The following CCDC90B variants were observed in gnomAD, a reference collection of about 807,000 sequenced individuals.
The protein encoded by CCDC90B is coiled-coil domain-containing protein 90B, mitochondrial.
In CCDC90B, 24 loss-of-function variants were observed where a neutral mutation model predicts 37.0. That is an observed-to-expected ratio of 0.65 (90% confidence interval 0.47 to 0.91). CCDC90B has a LOEUF of 0.91. CCDC90B is among the 40% of genes least tolerant of loss of function. The pLI is 0.00. For synonymous variants in CCDC90B, 113 were observed against 101.1 expected, an observed-to-expected ratio of 1.12 and a Z score of -0.71; for missense variants, 319 against 299.0, an observed-to-expected ratio of 1.07 and a Z score of -0.49.
At chr11:83,272,703 A>G (rs529482810) in intron 7 of CCDC90B, among the ~76,000 whole-genome samples, 2 of 152,214 alleles carry the variant, frequency 1.3e-5, no homozygotes, top group Admixed American at 6.5e-5. Context: ...AGGGAAGAGA[A>G]TAAGATCTTT....
In CCDC90B at chr11:83,265,840, C is replaced by T. The variant is rs532449406; in HGVS notation, c.709+25G>A. 5.0e-6 allele frequency: 7 copies of T among 1,410,276 alleles called. No homozygotes were observed. The South Asian group carries it at 8.2e-5, about 17-fold the overall frequency. The allele number at this position is 1,410,276 out of a possible 1,614,324, so 87.4% of individuals were successfully genotyped here. A position where few individuals can be genotyped will look rare whatever the true frequency, so the allele number is the denominator to read the frequency against. On this transcript the variant is annotated intron_variant, in intron 8 of 8. Transcript: ENST00000529689. ...AACTAACAGGAAAATTAGATGACAGCAATTTCTTTCTCTGACAGTCTTACC... is the reference window on the plus strand; with the variant it reads ...AACTAACAGGAAAATTAGATGACAGTAATTTCTTTCTCTGACAGTCTTACC...
chr11:83,264,497 C>A (rs1046167345), intron 8 of CCDC90B, among the ~76,000 whole-genome samples: 1 of 152,050 alleles, frequency 6.6e-6, no homozygotes, highest in Non-Finnish European at 1.5e-5. Flanking sequence ...AAATTCTTTT[C>A]TTTAAGAATG....
In CCDC90B at chr11:83,280,252, T is replaced by G; in HGVS notation, c.109A>C (p.Thr37Pro). 1 of 1,612,306 alleles carries G rather than the reference T, an allele frequency of 6.2e-7. No homozygotes were observed. Among genetic ancestry groups the G allele is most frequent in the Non-Finnish European group, 8.5e-7 (1 of 1,179,296 alleles). Reference sequence around the variant, plus strand: ...TCATATCCCTCCTTGGTTGTGGTAGTGAAGAACTCTGAAAGAGAAGACAAT... The same window carrying G: ...TCATATCCCTCCTTGGTTGTGGTAGGGAAGAACTCTGAAAGAGAAGACAAT... ...FSPALRREFF[T>P]TTTKEGYDRR... Residue 37 changes from threonine to proline, a missense_variant, in exon 2 of 9, where the codon ACT becomes CCT. Coordinates refer to ENST00000529689, the MANE Select transcript of CCDC90B (RefSeq NM_021825.5).
chr11:83,273,158 T>G (rs1864784700), intron 7 of CCDC90B: 1 of 152,176 alleles, frequency 6.6e-6, no homozygotes, highest in Admixed American at 6.5e-5. Context: ...TTTTAAAACC[T>G]TAAGATAATT....
intron 3 of CCDC90B, among the ~76,000 whole-genome samples, chr11:83,278,483 A>G (rs1340031897): frequency 6.6e-6 from 1 of 152,228 alleles, no homozygotes; most frequent in Non-Finnish European, 1.5e-5. Flanking sequence ...AACACAATAT[A>G]ATGATCTCAT....
At chr11:83,278,642 G>T in intron 3 of CCDC90B, 84 bp downstream of exon 3, 1 of 847,522 alleles carries the variant, frequency 1.2e-6, no homozygotes, top group Non-Finnish European at 1.9e-6. Flanking sequence ...AAGCATGTTT[G>T]GAAGGTCAGT....
rs919089934 is a variant in CCDC90B at position 83,278,775 on chromosome 11, T to A, written c.275A>T (p.Asn92Ile). The change falls in exon 3 of 9, where the codon AAT becomes ATT. Residue 92 changes from asparagine to isoleucine, a missense_variant. Coordinates refer to ENST00000529689, the MANE Select transcript of CCDC90B (RefSeq NM_021825.5). ...TIVSALTALSNVSLDTIYKEM... is the reference protein window; with the variant it reads ...TIVSALTALSIVSLDTIYKEM... ...TTTATAGATAGTATCCAGGCTGACA[T>A]TTGATAAAGCAGTTAACGCTGATAC... The A allele has an allele frequency of 3.1e-6, 5 of 1,613,574 alleles. No individual in the cohort carries two copies. Among genetic ancestry groups the A allele is most frequent in the Non-Finnish European group, 3.4e-6 (4 of 1,179,880 alleles).
At position 83,278,749 on chromosome 11, in the gene CCDC90B, C is replaced by CTCT; in HGVS notation, c.300_301insAGA (p.Lys100_Glu101insArg). The CTCT allele has an allele frequency of 6.2e-7, 1 of 1,610,312 alleles. No individual in the cohort carries two copies. The highest frequency in any genetic ancestry group is 8.5e-7 in the Non-Finnish European group (1 of 1,177,268). On this transcript the variant is annotated inframe_insertion, in exon 3 of 9. Transcript: ENST00000529689. ...ACCTGTTGAGCTTGAGTGACCATCT[C>CTCT]TTTATAGATAGTATCCAGGCTGACA... is the stretch of plus-strand genomic sequence containing the variant.
intron 1 of CCDC90B, chr11:83,285,312 A>G: frequency 8.2e-7 from 1 of 1,219,152 alleles, no homozygotes; most frequent in South Asian, 1.5e-5. Context: ...TCTTCAGGAC[A>G]CCCTGTTAAC....
intron 1 of CCDC90B, among the ~76,000 whole-genome samples, chr11:83,283,718 T>A (rs948127152): frequency 3.3e-5 from 5 of 152,212 alleles, no homozygotes; most frequent in African/African-American, 4.8e-5. Flanking sequence ...TCCTAGCACT[T>A]TGGGAAGCCA....
In CCDC90B at chr11:83,281,419, T is replaced by C. The variant is rs568751654; in HGVS notation, c.101-1159A>G. ...TGGACTAGAAGGCAGGAAACAGATA[T>C]TGTTTTTTTTAAAAAATCTAACAAT... On this transcript the variant is annotated intron_variant, in intron 1 of 8. Coordinates refer to ENST00000529689, the MANE Select transcript of CCDC90B (RefSeq NM_021825.5). Among the ~76,000 whole-genome samples, 13 of 152,312 alleles carry C rather than the reference T, an allele frequency of 8.5e-5. 1 individual carries two copies. The highest frequency in any genetic ancestry group is 8.3e-4 in the South Asian group (4 of 4,826).
intron 7 of CCDC90B, chr11:83,273,399 G>T (rs889098271): frequency 3.5e-5 from 10 of 289,826 alleles, no homozygotes; most frequent in African/African-American, 1.7e-4. Flanking sequence ...TATTATAGAA[G>T]TAATTTAGTT....
At chr11:83,285,652 T>G (rs1865637936) in intron 1 of CCDC90B, 1 of 1,383,910 alleles carries the variant, frequency 7.2e-7, no homozygotes, top group East Asian at 2.8e-5. Flanking sequence ...CCTTCAAAGG[T>G]TCGCTTTAAG....
At chr11:83,280,437 G>A (rs1006651852) in intron 1 of CCDC90B, among the ~76,000 whole-genome samples, 177 bp from the exon 2 acceptor site, 19 of 152,104 alleles carry the variant, frequency 1.2e-4, no homozygotes, top group African/African-American at 4.1e-4. Context: ...AGTCTCTGAC[G>A]TTCTTCTGTA....
At chr11:83,272,096 C>T (rs1431177723) in intron 7 of CCDC90B, among the ~76,000 whole-genome samples, 3 of 152,154 alleles carry the variant, frequency 2.0e-5, no homozygotes, top group South Asian at 4.1e-4. Flanking sequence ...ACATCACACA[C>T]TGGGGCCTGT....
rs1206920965 is a variant in CCDC90B, at chr11:83,280,278, T to G, written c.101-18A>C. ...GAAGAACTCTGAAAGAGAAGACAAT[T>G]TTTTTCTTTTGTAGTAACTGATAGC... On this transcript the variant is annotated intron_variant, in intron 1 of 8. Transcript: ENST00000529689. The G allele has an allele frequency of 6.2e-7, 1 of 1,607,656 alleles. No homozygotes were observed. The highest frequency in any genetic ancestry group is 8.5e-7 in the Non-Finnish European group (1 of 1,177,684).
chr11:83,286,349 G>A lies in CCDC90B; in HGVS notation c.-377C>T, dbSNP rs2135686544. ...AGCGGCCATTACGCGCTTGGGTCGG[G>A]GGAGATGGAGTCGCATTTAGCCGCA... On this transcript the variant is annotated 5_prime_UTR_variant, in exon 1 of 9. Transcript: ENST00000529689. The A allele has an allele frequency of 2.9e-6, 2 of 685,508 alleles. No homozygotes were observed. Among genetic ancestry groups the A allele is most frequent in the East Asian group, 5.5e-5 (2 of 36,376 alleles). The allele number at this position is 685,508 out of a possible 1,614,324, so 42.5% of individuals were successfully genotyped here.
chr11:83,269,440 G>T (rs1222768688), intron 7 of CCDC90B, among the ~76,000 whole-genome samples: 1 of 151,616 alleles, frequency 6.6e-6, no homozygotes, highest in African/African-American at 2.4e-5. Context: ...AAAGAGAGAA[G>T]AATCAAATAG....
chr11:83,265,213 G>C (rs1366503314), intron 8 of CCDC90B, among the ~76,000 whole-genome samples: 3 of 152,162 alleles, frequency 2.0e-5, no homozygotes, highest in African/African-American at 7.2e-5. Context: ...ATTGGGTCAG[G>C]TCAGATGGTA....
Sources: gnomAD v4.1 joint callset for allele counts (sites outside exome capture counted in the v4.1 genomes callset) on GRCh38, gnomAD v4.1.1 for gene constraint, MANE v1.5 for transcripts, NCBI Gene and HGNC (gene_info 2026-07-23, HGNC 2026-07-21) for gene names.